FAN1: variants seen among roughly 807,000 people sequenced by gnomAD.
FAN1 encodes fanconi-associated nuclease 1.
A neutral mutation model predicts 104.9 loss-of-function variants in FAN1; 91 were observed. The observed-to-expected ratio is 0.87, with a 90% CI of 0.73 to 1.03. The LOEUF (loss-of-function observed/expected upper bound fraction) is 1.03. Among genes scored for constraint, FAN1 ranks in the 50% least tolerant of loss-of-function variants. The probability of loss-of-function intolerance (pLI) is 0.00; values close to 1 mark genes in which losing one functional copy is unlikely to be tolerated. For missense variants in FAN1, 1,263 were observed against 1,239.9 expected (o/e 1.02, Z -0.28); for synonymous variants, 478 against 457.6 (o/e 1.04, Z -0.57).
Position 30,918,157 on chromosome 15 carries a change from C to A in FAN1, c.1812-7C>A. ...TTATTTGGAACTTGGATGGCATTTT[C>A]CTCCAGATATGCAGCAGCCACGCAC... On this transcript the variant is annotated splice_region_variant and splice_polypyrimidine_tract_variant and intron_variant, in intron 5 of 14. Coordinates refer to ENST00000362065, the MANE Select transcript of FAN1 (RefSeq NM_014967.5). The A allele has an allele frequency of 6.2e-7, 1 of 1,613,720 alleles. No homozygotes were observed. The highest frequency in any genetic ancestry group is 8.5e-7 in the Non-Finnish European group (1 of 1,179,912).
intron 3 of FAN1, 128 bp downstream of exon 3, chr15:30,908,386 G>T: frequency 1.4e-6 from 1 of 695,218 alleles, no homozygotes; most frequent in Admixed American, 3.6e-5. Context: ...TTTTTTAATT[G>T]AATTTTTAAT....
intron 12 of FAN1, 98 bp from the exon 13 acceptor site, chr15:30,930,445 C>G (rs973315815): frequency 1.4e-6 from 2 of 1,416,014 alleles, no homozygotes. Flanking sequence ...CACTGAATTA[C>G]ATATACACTG....
chr15:30,915,995 G>T (rs2062190982), intron 5 of FAN1, among the ~76,000 whole-genome samples: 1 of 152,170 alleles, frequency 6.6e-6, no homozygotes, highest in Admixed American at 6.5e-5. Context: ...GCTTTAAGAA[G>T]TAAGTTATTG....
At chr15:30,908,061 C>T in intron 2 of FAN1, 57 bp from the exon 3 acceptor site, 1 of 1,466,198 alleles carries the variant, frequency 6.8e-7, no homozygotes, top group Non-Finnish European at 9.3e-7. Context: ...ATTTATTCAC[C>T]TTAGGTTTAA....
In FAN1 at chr15:30,907,395, G is replaced by A. The variant is rs565536531; in HGVS notation, c.1235-723G>A. Among the ~76,000 whole-genome samples, 12 of 152,196 alleles carry A rather than the reference G, an allele frequency of 7.9e-5. No homozygotes were observed. The East Asian group carries it at 2.3e-3, about 29-fold the overall frequency. On this transcript the variant is annotated intron_variant, in intron 2 of 14. Transcript: ENST00000362065. ...TAGCCGGGCATGGTGGTGGGCGCCTGTAATCCCAGCTGCTCTGGAGGCTGA... is the reference window on the plus strand; with the variant it reads ...TAGCCGGGCATGGTGGTGGGCGCCTATAATCCCAGCTGCTCTGGAGGCTGA...
At chr15:30,931,539 A>G (rs2062710193) in intron 13 of FAN1, among the ~76,000 whole-genome samples, 1 of 152,192 alleles carries the variant, frequency 6.6e-6, no homozygotes. Context: ...GTTTTCTTCT[A>G]GAAGTGTTAT....
Position 30,942,805 on chromosome 15 carries a change from CCTTTA to C in FAN1, c.*1248_*1252del. On this transcript the variant is annotated 3_prime_UTR_variant, in exon 15 of 15. Transcript: ENST00000362065. ...ATTAGCAGTGTTACTCTTGGAAGTG[CCTTTA>C]CTTTTAACGCTCTCTGTTCTGAAAA... 1 of 1,347,982 alleles carries C rather than the reference CCTTTA, an allele frequency of 7.4e-7. No homozygotes were observed. Among genetic ancestry groups the C allele is most frequent in the Non-Finnish European group, 1.0e-6 (1 of 1,000,326 alleles). The allele number at this position is 1,347,982 out of a possible 1,614,324, so 83.5% of individuals were successfully genotyped here.
Position 30,914,023 on chromosome 15 carries a change from A to C in FAN1, c.1743A>C (p.Arg581=). ...LSTVLLVNLG[R]MEFPSYTINR... ...CAGTCCTGTTGGTCAACCTCGGCCG[A>C]ATGGAGTTTCCTAGTTACACCATCA... The change falls in exon 5 of 15, where the codon CGA becomes CGC. Residue 581 remains arginine, a synonymous_variant. Transcript: ENST00000362065. 1 of 1,614,188 alleles carries C rather than the reference A, an allele frequency of 6.2e-7. No homozygotes were observed. Among genetic ancestry groups the C allele is most frequent in the South Asian group, 1.1e-5 (1 of 91,084 alleles).
intron 14 of FAN1, chr15:30,938,933 C>G (rs1048624373): frequency 5.1e-6 from 5 of 985,278 alleles, no homozygotes; most frequent in Non-Finnish European, 6.0e-6. Context: ...TTCATACTGA[C>G]AACAACAAAC....
At chr15:30,936,699 C>T (rs1233148201) in intron 13 of FAN1, among the ~76,000 whole-genome samples, 1 of 152,182 alleles carries the variant, frequency 6.6e-6, no homozygotes, top group Non-Finnish European at 1.5e-5. Context: ...CCCACCAAAC[C>T]TCATAGCTTA....
rs2063098709 is a variant in FAN1, at chr15:30,942,837, G to A, written c.*1275G>A. 2.0e-6 allele frequency: 3 copies of A among 1,475,940 alleles called. No homozygotes were observed. Among genetic ancestry groups the A allele is most frequent in the Non-Finnish European group, 2.7e-6 (3 of 1,094,682 alleles). The allele number at this position is 1,475,940 out of a possible 1,614,324, so 91.4% of individuals were successfully genotyped here. A position where few individuals can be genotyped will look rare whatever the true frequency, so the allele number is the denominator to read the frequency against. ...TTTTAACGCTCTCTGTTCTGAAAAA[G>A]AGGTGTTTGGTTACGTGTGAGCCAA... On this transcript the variant is annotated 3_prime_UTR_variant, in exon 15 of 15. Transcript: ENST00000362065.
chr15:30,905,441 A>G lies in FAN1; in HGVS notation c.778A>G (p.Asn260Asp), dbSNP rs2061954048. 6.2e-7 allele frequency: 1 copy of G among 1,614,010 alleles called. No individual in the cohort carries two copies. The highest frequency in any genetic ancestry group is 1.1e-5 in the South Asian group (1 of 91,082). Residue 260 changes from asparagine (N) to aspartate (D), a missense_variant, in exon 2 of 15, where the codon AAT becomes GAT. By Grantham distance (23) the Asn-to-Asp change is conservative (BLOSUM62 1). This residue lies in a region of FAN1 where 682 missense variants were observed against 571.1 expected (regional missense o/e 1.19). Coordinates refer to ENST00000362065, the MANE Select transcript of FAN1 (RefSeq NM_014967.5). ...KSALTPGFSD[N>D]AIMLFSPDFT... ...AGCCCTCACCCCTGGATTCTCAGAT[A>G]ATGCGATCATGTTATTCTCACCAGA...
At chr15:30,939,355 G>A (rs541176481) in intron 14 of FAN1, 16 of 985,324 alleles carry the variant, frequency 1.6e-5, no homozygotes, top group African/African-American at 3.5e-5. Flanking sequence ...CAGGGGTGCT[G>A]AGCTCTCTCT....
At chr15:30,928,506 T>TG (rs2062524892) in intron 10 of FAN1, 47 bp from the exon 11 acceptor site, 6 of 1,484,508 alleles carry the variant, frequency 4.0e-6, no homozygotes, top group South Asian at 1.3e-5. Context: ...AAAACAGATT[T>TG]TGTGTGTGTG....
rs1199454432 is a variant in FAN1 at position 30,905,742 on chromosome 15, G to A, written c.1079G>A (p.Gly360Glu). The change falls in exon 2 of 15, where the codon GGG becomes GAG. Residue 360 changes from glycine (G) to glutamate (E), a missense_variant. By Grantham distance (98) the Gly-to-Glu change is moderately conservative (BLOSUM62 -2). This residue lies in a region of FAN1 where 682 missense variants were observed against 571.1 expected (regional missense o/e 1.19). Transcript: ENST00000362065. Reference sequence around the variant, plus strand: ...CCTCACAGCATTCCTTTGGAGCAGGGGTCAAGCTGCAATGGTCCTGGTCAA... The same window carrying A: ...CCTCACAGCATTCCTTTGGAGCAGGAGTCAAGCTGCAATGGTCCTGGTCAA... ...DIPHSIPLEQ[G>E]SSCNGPGQTT... 2 of 1,614,132 alleles carry A rather than the reference G, an allele frequency of 1.2e-6. No individual in the cohort carries two copies. Among genetic ancestry groups the A allele is most frequent in the Admixed American group, 1.7e-5 (1 of 60,004 alleles).
At chr15:30,930,493 C>T in intron 12 of FAN1, 50 bp from the exon 13 acceptor site, 1 of 1,551,560 alleles carries the variant, frequency 6.4e-7, no homozygotes, top group Non-Finnish European at 8.7e-7. Context: ...AGCCTATTTC[C>T]ATTCTCTGTC....
chr15:30,942,215 C>G lies in FAN1; in HGVS notation c.*653C>G. The G allele has an allele frequency of 9.7e-7, 1 of 1,027,340 alleles. No individual in the cohort carries two copies. Among genetic ancestry groups the G allele is most frequent in the South Asian group, 1.6e-5 (1 of 62,622 alleles). The allele number at this position is 1,027,340 out of a possible 1,614,324, so 63.6% of individuals were successfully genotyped here. Reference sequence around the variant, plus strand: ...ACATTTTCCTCCCTTCCTTTGTGTCCTTATTCTAATCCTCCTCCCCTGGAA... The same window carrying G: ...ACATTTTCCTCCCTTCCTTTGTGTCGTTATTCTAATCCTCCTCCCCTGGAA... On this transcript the variant is annotated 3_prime_UTR_variant, in exon 15 of 15. Coordinates refer to ENST00000362065, the MANE Select transcript of FAN1 (RefSeq NM_014967.5).
rs761162643 is a variant in FAN1, at chr15:30,904,871, G to A, written c.208G>A (p.Val70Ile). 5.0e-6 allele frequency: 8 copies of A among 1,613,622 alleles called. No homozygotes were observed. Among genetic ancestry groups the A allele is most frequent in the Non-Finnish European group, 6.8e-6 (8 of 1,179,650 alleles). ...LDEMCANNDF[V>I]QVDPGQVGLI... Reference sequence around the variant, plus strand: ...TGAAATGTGTGCTAACAATGACTTCGTTCAAGTGGATCCAGGGCAGGTTGG... The same window carrying A: ...TGAAATGTGTGCTAACAATGACTTCATTCAAGTGGATCCAGGGCAGGTTGG... Residue 70 changes from valine (V) to isoleucine (I), a missense_variant, in exon 2 of 15, where the codon GTT (valine) becomes ATT (isoleucine). Around this residue, in one of 2 missense-constraint regions of FAN1, gnomAD observed 682 missense variants for 571.1 expected, o/e 1.19. Coordinates refer to ENST00000362065, the MANE Select transcript of FAN1 (RefSeq NM_014967.5).
chr15:30,941,391 C>A, intron 14 of FAN1, 175 bp from the exon 15 acceptor site: 1 of 1,543,278 alleles, frequency 6.5e-7, no homozygotes, highest in Non-Finnish European at 8.7e-7. Flanking sequence ...ATTAGAGATT[C>A]AAACGCCTAG....
Sources: gnomAD v4.1 joint callset for allele counts (sites outside exome capture counted in the v4.1 genomes callset) on GRCh38, gnomAD v4.1.1 for gene constraint, gnomAD v4.1.1 regional missense constraint, MANE v1.5 for transcripts, NCBI Gene and HGNC (gene_info 2026-07-23, HGNC 2026-07-21) for gene names.